FGF14: variants seen among roughly 807,000 people sequenced by gnomAD.
The protein encoded by FGF14 is fibroblast growth factor 14, also known as fibroblast growth factor homologous factor 4.
In FGF14, 5 loss-of-function variants were observed where a neutral mutation model predicts 25.5. The ratio of observed to expected loss-of-function variants is 0.20; its 90% CI spans 0.10 to 0.41. The LOEUF (loss-of-function observed/expected upper bound fraction) is 0.41, where lower values mean the gene tolerates loss of function less well. Among genes scored for constraint, FGF14 ranks in the 10% least tolerant of loss-of-function variants. The pLI, the probability that FGF14 is intolerant of heterozygous loss-of-function variation, is 1.00. For synonymous variants in FGF14, 138 were observed against 118.3 expected (o/e 1.17, Z -1.08); for missense variants, 222 against 320.1 (o/e 0.69, Z 2.34).
intron 1 of FGF14, among the ~76,000 whole-genome samples, chr13:101,978,926 T>C (rs143841892): frequency 6.6e-6 from 1 of 152,206 alleles, no homozygotes; most frequent in African/African-American, 2.4e-5. Context: ...CCTGGAGAAA[T>C]GGCCATGGTG....
chr13:101,788,704 C>A (rs2140072956), intron 3 of FGF14, among the ~76,000 whole-genome samples: 1 of 151,416 alleles, frequency 6.6e-6, no homozygotes, highest in East Asian at 2.0e-4. Context: ...CTATGCAATT[C>A]TCTAGTTTGT....
intron 1 of FGF14, among the ~76,000 whole-genome samples, chr13:102,354,797 TATA>T (rs1305141667): frequency 1.3e-5 from 2 of 152,232 alleles, no homozygotes; most frequent in African/African-American, 4.8e-5. Flanking sequence ...CTTCCCTTTA[TATA>T]ATGTGTTAAA....
chr13:102,386,001 C>A (rs565697646), intron 1 of FGF14, among the ~76,000 whole-genome samples: 6 of 152,188 alleles, frequency 3.9e-5, no homozygotes, highest in Admixed American at 3.9e-4. Flanking sequence ...GTCACTTTTA[C>A]ACAATTTTTG....
intron 1 of FGF14, among the ~76,000 whole-genome samples, chr13:101,894,923 T>C (rs1001715505): frequency 6.6e-6 from 1 of 152,194 alleles, no homozygotes; most frequent in African/African-American, 2.4e-5. Flanking sequence ...TTAATTCTAC[T>C]GTAACCTTAG....
chr13:101,990,196 C>G (rs572839102), intron 1 of FGF14, among the ~76,000 whole-genome samples: 1 of 152,170 alleles, frequency 6.6e-6, no homozygotes, highest in Admixed American at 6.5e-5. Context: ...TGAGTGCTGC[C>G]ACTGCCTACA....
chr13:102,154,898 G>A (rs1453370392), intron 1 of FGF14, among the ~76,000 whole-genome samples: 1 of 151,346 alleles, frequency 6.6e-6, no homozygotes, highest in Non-Finnish European at 1.5e-5. Context: ...AACCAACAAA[G>A]ATCAAAAGAG....
chr13:102,294,296 T>C (rs1333088725), intron 1 of FGF14, among the ~76,000 whole-genome samples: 1 of 152,180 alleles, frequency 6.6e-6, no homozygotes, highest in African/African-American at 2.4e-5. Flanking sequence ...CTTTTCTCCA[T>C]TGCTTAATCT....
chr13:102,146,133 C>T (rs752162118), intron 1 of FGF14, among the ~76,000 whole-genome samples: 23 of 152,180 alleles, frequency 1.5e-4, no homozygotes, highest in Non-Finnish European at 2.6e-4. Flanking sequence ...AAAGTCACTT[C>T]ACAATGACTA....
chr13:101,813,906 T>C (rs1016708096), intron 3 of FGF14, among the ~76,000 whole-genome samples: 4 of 152,208 alleles, frequency 2.6e-5, no homozygotes, highest in Non-Finnish European at 4.4e-5. Context: ...TCAGGCTTAA[T>C]GTAAATGACC....
intron 3 of FGF14, among the ~76,000 whole-genome samples, chr13:101,856,368 T>C (rs1331893756): frequency 6.6e-6 from 1 of 151,926 alleles, no homozygotes; most frequent in Non-Finnish European, 1.5e-5. Flanking sequence ...GAGGTAGAGT[T>C]ATTCGACTGG....
intron 1 of FGF14, among the ~76,000 whole-genome samples, chr13:101,929,929 T>C (rs1411637683): frequency 6.6e-6 from 1 of 152,162 alleles, no homozygotes. Context: ...TAGGTGTTCA[T>C]TTAGTAAAGA....
At chr13:101,865,533 A>G (rs548283253) in intron 3 of FGF14, among the ~76,000 whole-genome samples, 88 of 152,208 alleles carry the variant, frequency 5.8e-4, no homozygotes, top group African/African-American at 2.0e-3. Context: ...AGAAATAACT[A>G]TCATCATATT....
At chr13:102,176,006 T>C (rs2048434195) in intron 1 of FGF14, among the ~76,000 whole-genome samples, 2 of 152,174 alleles carry the variant, frequency 1.3e-5, no homozygotes, top group South Asian at 2.1e-4. Context: ...GAAAACAGTA[T>C]AGAGATTTCT....
At chr13:101,734,585 A>G (rs962389436) in intron 3 of FGF14, among the ~76,000 whole-genome samples, 1 of 152,200 alleles carries the variant, frequency 6.6e-6, no homozygotes, top group Non-Finnish European at 1.5e-5. Flanking sequence ...ACAACCATAT[A>G]TCATTTTTAC....
rs764122877 is a variant in FGF14 at position 101,916,484 on chromosome 13, G to A, written c.162C>T (p.Phe54=). ...GCCGCAACCTGCGCTTCTTGAGGCC[G>A]AAGATGCGCACTTTGGAGAAGATAT... is the stretch of plus-strand genomic sequence containing the variant. ...LVDIFSKVRI[F]GLKKRRLRRQ... is the part of the protein sequence containing the mutation. The change falls in exon 1 of 5, where the codon TTC becomes TTT. Residue 54 remains phenylalanine (F), a synonymous_variant. Transcript: ENST00000376143. 2.3e-5 allele frequency: 37 copies of A among 1,613,960 alleles called. No homozygotes were observed. In the Admixed American group the frequency reaches 5.2e-4, roughly 23 times the overall value.
At chr13:101,750,191 T>C (rs559392634) in intron 3 of FGF14, among the ~76,000 whole-genome samples, 1 of 152,134 alleles carries the variant, frequency 6.6e-6, no homozygotes, top group South Asian at 2.1e-4. Flanking sequence ...TGTAGCAGCC[T>C]GAATAGAATA....
At chr13:102,037,180 T>C (rs1461940267) in intron 1 of FGF14, among the ~76,000 whole-genome samples, 1 of 152,178 alleles carries the variant, frequency 6.6e-6, no homozygotes. Context: ...AGTTCTATTA[T>C]ATTGTATTAA....
chr13:101,909,547 A>G (rs530830353), intron 1 of FGF14, among the ~76,000 whole-genome samples: 85 of 152,328 alleles, frequency 5.6e-4, no homozygotes, highest in Middle Eastern at 3.4e-3. Flanking sequence ...ATGAGATACC[A>G]TCTCACACCA....
intron 1 of FGF14, among the ~76,000 whole-genome samples, chr13:102,101,998 C>G (rs991994806): frequency 6.6e-6 from 1 of 152,170 alleles, no homozygotes; most frequent in Admixed American, 6.5e-5. Context: ...CCACCACACC[C>G]AGCCTAGTTT....
Sources: gnomAD v4.1 joint callset for allele counts (sites outside exome capture counted in the v4.1 genomes callset) on GRCh38, gnomAD v4.1.1 for gene constraint, MANE v1.5 for transcripts, NCBI Gene and HGNC (gene_info 2026-07-23, HGNC 2026-07-21) for gene names.